ITPR1: variants seen among roughly 807,000 people sequenced by gnomAD.
ITPR1 encodes inositol 1,4,5-trisphosphate-gated calcium channel ITPR1.
ITPR1 carries 96 observed loss-of-function variants against 318.4 expected under a neutral mutation model. That is an observed-to-expected ratio of 0.30 (90% CI 0.26 to 0.36). ITPR1 has a LOEUF of 0.36. Among genes scored for constraint, ITPR1 ranks in the 10% least tolerant of loss-of-function variants. The probability of loss-of-function intolerance (pLI) is 1.00; values close to 1 mark genes in which losing one functional copy is unlikely to be tolerated. For missense variants in ITPR1, 2,440 were observed against 3,460.2 expected (o/e 0.71, Z 7.40); for synonymous variants, 1,312 against 1,289.9 (o/e 1.02, Z -0.37).
intron 2 of ITPR1, among the ~76,000 whole-genome samples, chr3:4,501,914 T>C (rs1000133831): frequency 1.3e-5 from 2 of 152,196 alleles, no homozygotes; most frequent in Non-Finnish European, 2.9e-5. Context: ...TCAGCAGAAC[T>C]TCTGGATGGC....
intron 4 of ITPR1, among the ~76,000 whole-genome samples, chr3:4,600,987 A>G (rs1004084945): frequency 2.6e-5 from 4 of 152,264 alleles, no homozygotes; most frequent in African/African-American, 9.6e-5. Context: ...AATTCTTTTC[A>G]GAAAGTAAAT....
At chr3:4,559,459 T>G (rs2086462607) in intron 4 of ITPR1, among the ~76,000 whole-genome samples, 1 of 152,228 alleles carries the variant, frequency 6.6e-6, no homozygotes, top group Non-Finnish European at 1.5e-5. Flanking sequence ...TAAGGGTATT[T>G]TTATAAAAAC....
intron 42 of ITPR1, among the ~76,000 whole-genome samples, chr3:4,729,430 C>T (rs1014350878): frequency 3.9e-5 from 6 of 152,188 alleles, no homozygotes; most frequent in African/African-American, 1.4e-4. Context: ...AATCCAGGCG[C>T]TACCCTCATG....
At chr3:4,509,794 C>G (rs968958673) in intron 2 of ITPR1, among the ~76,000 whole-genome samples, 1 of 152,148 alleles carries the variant, frequency 6.6e-6, no homozygotes, top group East Asian at 1.9e-4. Context: ...GAGACCATAA[C>G]TCTAAAAAAC....
chr3:4,832,310 G>A (rs186839804), intron 60 of ITPR1, among the ~76,000 whole-genome samples: 2 of 152,312 alleles, frequency 1.3e-5, no homozygotes, highest in Non-Finnish European at 2.9e-5. Flanking sequence ...CCTGTGAAAT[G>A]GAGAATGAGG....
At chr3:4,676,222 A>G (rs1301050118) in intron 23 of ITPR1, among the ~76,000 whole-genome samples, 1 of 151,712 alleles carries the variant, frequency 6.6e-6, no homozygotes, top group Non-Finnish European at 1.5e-5. Flanking sequence ...ATGCATGCCT[A>G]TAGTCCTAGC....
intron 61 of ITPR1, among the ~76,000 whole-genome samples, chr3:4,841,731 G>A (rs2051359837): frequency 6.6e-6 from 1 of 152,222 alleles, no homozygotes; most frequent in African/African-American, 2.4e-5. Flanking sequence ...CTTCTCAGAG[G>A]TGGTAATTCA....
intron 9 of ITPR1, 39 bp downstream of exon 9, chr3:4,645,509 C>T (rs1443252431): frequency 1.3e-5 from 21 of 1,606,072 alleles, no homozygotes; most frequent in Non-Finnish European, 1.7e-5. Flanking sequence ...TTACTTGGCT[C>T]TTCTTGGGGG....
intron 57 of ITPR1, 23 bp from the exon 58 acceptor site, chr3:4,814,398 CTG>C (rs1559943157): frequency 1.9e-6 from 3 of 1,613,586 alleles, no homozygotes; most frequent in South Asian, 2.2e-5. Flanking sequence ...CGTTTTCTCT[CTG>C]TTGTTACTTG....
intron 4 of ITPR1, among the ~76,000 whole-genome samples, chr3:4,540,594 G>T (rs906150771): frequency 1.3e-5 from 2 of 151,910 alleles, no homozygotes; most frequent in Admixed American, 6.6e-5. Context: ...GTGTGTGCAC[G>T]TGTGTGTGTT....
At chr3:4,716,878 G>A (rs2041805407) in intron 39 of ITPR1, among the ~76,000 whole-genome samples, 1 of 152,138 alleles carries the variant, frequency 6.6e-6, no homozygotes, top group Non-Finnish European at 1.5e-5. Flanking sequence ...GGATATGCTG[G>A]TCTTATTAGC....
chr3:4,802,054 C>T (rs753602900), intron 54 of ITPR1, among the ~76,000 whole-genome samples: 1 of 152,150 alleles, frequency 6.6e-6, no homozygotes, highest in Admixed American at 6.5e-5. Flanking sequence ...ATTCCCAGAG[C>T]ATATTCCACG....
intron 2 of ITPR1, among the ~76,000 whole-genome samples, chr3:4,504,938 C>G (rs304031): frequency 0.93 from 140,913 of 152,174 alleles, 65,369 homozygotes; most frequent in East Asian, 1. Context: ...AATGCCAGCA[C>G]CTCTTCCTTT....
chr3:4,813,129 TTC>T lies in ITPR1; in HGVS notation c.7469-6_7469-5del. 6.2e-7 allele frequency: 1 copy of T among 1,610,614 alleles called. No individual in the cohort carries two copies. Among genetic ancestry groups the T allele is most frequent in the African/African-American group, 1.3e-5 (1 of 74,998 alleles). On this transcript the variant is annotated splice_polypyrimidine_tract_variant and intron_variant, in intron 56 of 61. Transcript: ENST00000649015. ...CCAGATTGTTCATCATAAAATTTCC[TTC>T]TCTCTCCCAGAAACCGGCGAGAGTT...
chr3:4,798,830 A>G (rs755452922), intron 53 of ITPR1, among the ~76,000 whole-genome samples: 21 of 152,238 alleles, frequency 1.4e-4, no homozygotes, highest in Middle Eastern at 3.2e-3. Flanking sequence ...GTCAAGCACA[A>G]AGGACTACCT....
At chr3:4,587,598 T>C (rs2090034819) in intron 4 of ITPR1, among the ~76,000 whole-genome samples, 1 of 152,044 alleles carries the variant, frequency 6.6e-6, no homozygotes, top group Non-Finnish European at 1.5e-5. Flanking sequence ...GTAGCTGGGG[T>C]CTGGACTGTG....
intron 10 of ITPR1, 147 bp from the exon 11 acceptor site, chr3:4,651,976 A>G: frequency 1.5e-6 from 1 of 672,190 alleles, no homozygotes; most frequent in Non-Finnish European, 2.7e-6. Context: ...GCTACACGTG[A>G]CACTGGCAAT....
intron 4 of ITPR1, among the ~76,000 whole-genome samples, chr3:4,563,010 G>C (rs758007414): frequency 3.9e-5 from 6 of 152,192 alleles, no homozygotes; most frequent in Non-Finnish European, 7.3e-5. Flanking sequence ...TCTGGAGGAG[G>C]TAACATAGAG....
At chr3:4,765,064 TAAAAGAAAAG>T (rs3838621) in intron 44 of ITPR1, among the ~76,000 whole-genome samples, 3 of 149,318 alleles carry the variant, frequency 2.0e-5, no homozygotes, top group African/African-American at 5.0e-5. Context: ...GCAGGAAACC[TAAAAGAAAAG>T]AAAAGAAAAG....
Sources: allele counts gnomAD v4.1 joint callset (sites outside exome capture counted in the v4.1 genomes callset), GRCh38; gene constraint gnomAD v4.1.1; transcripts MANE v1.5; gene names NCBI Gene and HGNC (gene_info 2026-07-23, HGNC 2026-07-21).